The following CDKN2B-AS1 variants were observed in gnomAD, a reference collection of about 807,000 sequenced individuals.
CDKN2B-AS1 encodes the protein CDKN2B and CDKN2A antisense cis and trans regulatory RNA 1.
At chr9:22,110,695 A>G (rs1825784297) in intron 4 of CDKN2B-AS1, among the ~76,000 whole-genome samples, 1 of 152,092 alleles carries the variant, frequency 6.6e-6, no homozygotes, top group Non-Finnish European at 1.5e-5. Context: ...AAGAATTAAA[A>G]TTCAAAAACC....
intron 4 of CDKN2B-AS1, among the ~76,000 whole-genome samples, chr9:22,062,430 C>T (rs531342389): frequency 5.0e-4 from 76 of 152,244 alleles, no homozygotes; most frequent in African/African-American, 1.7e-3. Flanking sequence ...TGTGTTTTAT[C>T]TGAGGAAAAT....
rs528509413 is a variant in CDKN2B-AS1 at position 22,001,886 on chromosome 9, C to A, written n.29+6725C>A. Among the ~76,000 whole-genome samples, 4 of 152,212 alleles carry A rather than the reference C, an allele frequency of 2.6e-5. No individual in the cohort carries two copies. Among genetic ancestry groups the A allele is most frequent in the Admixed American group, 6.5e-5 (1 of 15,290 alleles). ...CAATGTGGGAATCTAGGTCTTCTAT[C>A]TTCCAGTCAAGTCCTTGTTTCACTT... is the stretch of plus-strand genomic sequence containing the variant. On this transcript the variant is annotated intron_variant and non_coding_transcript_variant, in intron 1 of 4. Transcript: ENST00000650946. This position sits in a 1 kb window ranked among gnomAD's most constrained non-coding sequence, Gnocchi z 4.2.
intron 1 of CDKN2B-AS1, among the ~76,000 whole-genome samples, chr9:22,012,910 G>T (rs1480527410): frequency 6.6e-6 from 1 of 152,068 alleles, no homozygotes; most frequent in Non-Finnish European, 1.5e-5. Flanking sequence ...TAATTAAATG[G>T]TGGACTTGTT....
chr9:22,103,869 T>C (rs1175914567), intron 4 of CDKN2B-AS1, among the ~76,000 whole-genome samples: 1 of 152,208 alleles, frequency 6.6e-6, no homozygotes, highest in African/African-American at 2.4e-5. Context: ...ATAACACTGA[T>C]GTACTGGAAT....
At chr9:22,023,539 G>A (rs1822098411) in intron 1 of CDKN2B-AS1, among the ~76,000 whole-genome samples, 1 of 151,908 alleles carries the variant, frequency 6.6e-6, no homozygotes, top group Non-Finnish European at 1.5e-5. Context: ...TTTGAGACCA[G>A]CCTGGATAAT....
At chr9:22,008,833 T>A (rs369983875) in intron 1 of CDKN2B-AS1, 2 of 1,608,860 alleles carry the variant, frequency 1.2e-6, no homozygotes, top group Non-Finnish European at 1.7e-6. Flanking sequence ...TTGACTCCGT[T>A]GGGATCCGCG....
At chr9:22,078,152 T>TA (rs1273649947) in intron 4 of CDKN2B-AS1, among the ~76,000 whole-genome samples, 5 of 152,336 alleles carry the variant, frequency 3.3e-5, no homozygotes, top group Non-Finnish European at 4.4e-5. Flanking sequence ...TGATTGTACT[T>TA]ACGATATGAC....
In CDKN2B-AS1 at chr9:22,015,893, C is replaced by G. The variant is rs553474221; in HGVS notation, n.29+20732C>G. On this transcript the variant is annotated intron_variant and non_coding_transcript_variant, in intron 1 of 4. Coordinates refer to ENST00000650946, the Ensembl canonical transcript of CDKN2B-AS1. ...TGTCTTTTGGCTGCATAAATGTCTTCTTTTGAGAAGTGTCTGTTCATATCC... is the reference window on the plus strand; with the variant it reads ...TGTCTTTTGGCTGCATAAATGTCTTGTTTTGAGAAGTGTCTGTTCATATCC... 5.3e-5 allele frequency among the ~76,000 whole-genome samples: 8 copies of G among 152,216 alleles called. No homozygotes were observed. In the East Asian group the frequency reaches 1.5e-3, roughly 29 times the overall value.
intron 3 of CDKN2B-AS1, among the ~76,000 whole-genome samples, chr9:22,053,691 C>A (rs984571947): frequency 6.6e-6 from 1 of 152,110 alleles, no homozygotes; most frequent in Non-Finnish European, 1.5e-5. Context: ...CAAGAACATT[C>A]AAAAATTTTC....
At chr9:22,003,264 G>A (rs1283938672) in intron 1 of CDKN2B-AS1, 1 of 217,026 alleles carries the variant, frequency 4.6e-6, no homozygotes, top group African/African-American at 2.2e-5. Context: ...TAATGTTTGA[G>A]GTTTGCTTTA....
At chr9:22,085,637 C>T (rs1471114660) in intron 4 of CDKN2B-AS1, among the ~76,000 whole-genome samples, 5 of 149,838 alleles carry the variant, frequency 3.3e-5, no homozygotes, top group East Asian at 2.0e-4. Context: ...AGGAGAATGG[C>T]GTGAACCCTG....
intron 4 of CDKN2B-AS1, among the ~76,000 whole-genome samples, chr9:22,116,830 T>C (rs900762660): frequency 6.6e-6 from 1 of 152,232 alleles, no homozygotes; most frequent in Admixed American, 6.5e-5. Context: ...AACTGGAGAA[T>C]GTCATAACTG....
At chr9:22,008,731 CG>C in intron 1 of CDKN2B-AS1, 6 of 1,610,866 alleles carry the variant, frequency 3.7e-6, no homozygotes, top group Non-Finnish European at 5.1e-6. Context: ...GTTCCAGCCC[CG>C]ATCCGCCGAG....
intron 4 of CDKN2B-AS1, among the ~76,000 whole-genome samples, chr9:22,116,901 A>G (rs1311295882): frequency 6.6e-6 from 1 of 152,260 alleles, no homozygotes; most frequent in Non-Finnish European, 1.5e-5. Flanking sequence ...AAGGAATATT[A>G]TGACTACAGA....
intron 1 of CDKN2B-AS1, among the ~76,000 whole-genome samples, chr9:22,017,024 G>A (rs1187488028): frequency 2.0e-5 from 3 of 152,066 alleles, no homozygotes; most frequent in Admixed American, 2.0e-4. Flanking sequence ...TTGATTTCTG[G>A]TATGACAATA....
intron 4 of CDKN2B-AS1, among the ~76,000 whole-genome samples, chr9:22,069,458 T>C (rs1824198058): frequency 6.6e-6 from 1 of 152,140 alleles, no homozygotes; most frequent in Non-Finnish European, 1.5e-5. Context: ...CCTAGGAAAA[T>C]GATTCACTGA....
chr9:22,023,263 T>C (rs1317790959), intron 1 of CDKN2B-AS1, among the ~76,000 whole-genome samples: 1 of 152,192 alleles, frequency 6.6e-6, no homozygotes, highest in Non-Finnish European at 1.5e-5. Context: ...GGTAAACCAA[T>C]GAATTGTAGA....
chr9:22,048,339 T>G (rs937097877), intron 2 of CDKN2B-AS1, among the ~76,000 whole-genome samples: 3 of 152,128 alleles, frequency 2.0e-5, no homozygotes, highest in African/African-American at 7.2e-5. Context: ...ACAAAGCTCC[T>G]CATGATGCTG....
At chr9:22,122,873 G>C (rs947773624) in intron 4 of CDKN2B-AS1, among the ~76,000 whole-genome samples, 1 of 151,932 alleles carries the variant, frequency 6.6e-6, no homozygotes, top group Non-Finnish European at 1.5e-5. Flanking sequence ...TGCTTTGGCT[G>C]TTTGGGGTCT....
Sources: allele counts gnomAD v4.1 joint callset (sites outside exome capture counted in the v4.1 genomes callset), GRCh38; gene constraint gnomAD v4.1.1; non-coding constraint Gnocchi (gnomAD v3.1); transcripts MANE v1.5; gene names NCBI Gene and HGNC (gene_info 2026-07-23, HGNC 2026-07-21).